HHIPL2: variants seen among roughly 807,000 people sequenced by gnomAD.
The protein encoded by HHIPL2 is HHIP-like protein 2.
A neutral mutation model predicts 61.0 loss-of-function variants in HHIPL2; 61 were observed. The observed-to-expected ratio is 1.00, with a 90% CI of 0.81 to 1.24. HHIPL2 has a LOEUF of 1.24. Among genes scored for constraint, HHIPL2 ranks in the 50% most tolerant of loss-of-function variants. HHIPL2 has a pLI of 0.00. For missense variants in HHIPL2, 885 were observed against 910.2 expected (o/e 0.97, Z 0.36); for synonymous variants, 343 against 357.4 (o/e 0.96, Z 0.45).
chr1:222,533,609 A>G (rs1223289607), intron 5 of HHIPL2, among the ~76,000 whole-genome samples: 2 of 152,222 alleles, frequency 1.3e-5, no homozygotes, highest in Non-Finnish European at 2.9e-5. Context: ...GACCAGATTT[A>G]CTTTCCCATC....
At chr1:222,539,110 G>A (rs1487755810) in intron 4 of HHIPL2, 1 of 268,070 alleles carries the variant, frequency 3.7e-6, no homozygotes, top group East Asian at 8.6e-5. Flanking sequence ...GGAAAATATT[G>A]TCACAGTCTG....
intron 6 of HHIPL2, among the ~76,000 whole-genome samples, chr1:222,531,077 C>A (rs1045977244): frequency 6.6e-6 from 1 of 152,184 alleles, no homozygotes; most frequent in African/African-American, 2.4e-5. Context: ...CATGTGTACA[C>A]GTGCACATCA....
chr1:222,544,152 T>C lies in HHIPL2; in HGVS notation c.359A>G (p.Glu120Gly), dbSNP rs1659505978. 2 of 1,613,606 alleles carry C rather than the reference T, an allele frequency of 1.2e-6. No homozygotes were observed. The highest frequency in any genetic ancestry group is 2.2e-5 in the East Asian group (1 of 44,870). ...ATTCCGGAGAGGCGTCTGGGTGTTT[T>C]CGGCGTCGTAGAGGTGGGCTGCGTA... ...SPYAAHLYDA[E>G]NTQTPLRNLP... Residue 120 changes from glutamate (E) to glycine (G), a missense_variant, in exon 2 of 9, where the codon GAA (glutamate) becomes GGA (glycine). Coordinates refer to ENST00000343410, the MANE Select transcript of HHIPL2 (RefSeq NM_024746.4).
At position 222,526,043 on chromosome 1, in the gene HHIPL2, C is replaced by T. The variant is rs79242148; in HGVS notation, c.1805+926G>A. Among the ~76,000 whole-genome samples, 1,400 of 152,008 alleles carry T rather than the reference C, an allele frequency of 9.2e-3. 24 individuals are homozygous for T. The highest frequency in any genetic ancestry group is 0.032 in the African/African-American group (1,306 of 41,458). ...TAAAAATAAAAAAAAATCCAGTGCA[C>T]TGCCCAGACTCCTCAGGATGGATAC... On this transcript the variant is annotated intron_variant, in intron 7 of 8. Transcript: ENST00000343410.
chr1:222,531,679 C>T (rs556611138), intron 6 of HHIPL2, among the ~76,000 whole-genome samples: 65 of 151,938 alleles, frequency 4.3e-4, no homozygotes, highest in African/African-American at 1.5e-3. Context: ...ACTCTGGAAG[C>T]GGAGGTTGCA....
rs1659479383 is a variant in HHIPL2, at chr1:222,543,521, C to T, written c.974+16G>A. On this transcript the variant is annotated intron_variant, in intron 2 of 8. Transcript: ENST00000343410. The stretch of plus-strand genomic sequence containing the variant: ...GGAACACAGTACAGCTGTAGGCTCT[C>T]ATGAGTACCTCTCACCTCTCTGATT... The T allele has an allele frequency of 6.2e-7, 1 of 1,601,624 alleles. No individual in the cohort carries two copies. Among genetic ancestry groups the T allele is most frequent in the African/African-American group, 1.3e-5 (1 of 74,690 alleles).
chr1:222,547,343 C>G lies in HHIPL2; in HGVS notation c.321+381G>C, dbSNP rs553535051. Among the ~76,000 whole-genome samples, 5 of 152,266 alleles carry G rather than the reference C, an allele frequency of 3.3e-5. No individual in the cohort carries two copies. The South Asian group carries it at 1.0e-3, about 32-fold the overall frequency. ...CCACCACTCCCTCCCTTAACGCGCT[C>G]GGTAAATTCCACGGGTTTAAGTGCC... On this transcript the variant is annotated intron_variant, in intron 1 of 8. Transcript: ENST00000343410.
intron 4 of HHIPL2, chr1:222,539,172 G>C (rs1013184907): frequency 1.2e-5 from 2 of 165,240 alleles, no homozygotes; most frequent in Non-Finnish European, 2.6e-5. Flanking sequence ...AGAAGTAATA[G>C]AGTCAGAACA....
At position 222,538,635 on chromosome 1, in the gene HHIPL2, A is replaced by C. The variant is rs1378384072; in HGVS notation, c.1577+13T>G. On this transcript the variant is annotated intron_variant, in intron 5 of 8. Transcript: ENST00000343410. ...AATAAAAAGAGGGAGAAGGGACATC[A>C]GTCCTTCCTTACCCACTCATGAAGT... The C allele has an allele frequency of 1.2e-6, 2 of 1,609,976 alleles. No individual in the cohort carries two copies. Among genetic ancestry groups the C allele is most frequent in the East Asian group, 2.2e-5 (1 of 44,866 alleles).
intron 2 of HHIPL2, 133 bp downstream of exon 2, chr1:222,543,404 C>T (rs1435518876): frequency 1.1e-6 from 1 of 912,426 alleles, no homozygotes; most frequent in East Asian, 2.4e-5. Context: ...CGTTCTCAAT[C>T]CACAGTGACT....
intron 7 of HHIPL2, among the ~76,000 whole-genome samples, chr1:222,524,442 G>A (rs1320401325): frequency 2.6e-5 from 4 of 152,234 alleles, no homozygotes; most frequent in Admixed American, 6.5e-5. Flanking sequence ...AAACACTTAC[G>A]TAGTGCTTAG....
chr1:222,546,168 T>C (rs974883723), intron 1 of HHIPL2, among the ~76,000 whole-genome samples: 2 of 152,214 alleles, frequency 1.3e-5, no homozygotes, highest in African/African-American at 4.8e-5. Context: ...ATGCACAAAG[T>C]CTCTCTTCCA....
intron 6 of HHIPL2, among the ~76,000 whole-genome samples, chr1:222,528,413 C>A (rs1261737740): frequency 6.6e-6 from 1 of 152,148 alleles, no homozygotes; most frequent in Non-Finnish European, 1.5e-5. Flanking sequence ...TCAAGATGAG[C>A]CTGGCCAACA....
In HHIPL2 at chr1:222,527,011, T is replaced by C. The variant is rs372392134; in HGVS notation, c.1763A>G (p.Tyr588Cys). ...CTTGTAAATAGATCCACGTGGTGCATAGGCACTTGGGTAAGAGGTCGCCAG... is the reference window on the plus strand; with the variant it reads ...CTTGTAAATAGATCCACGTGGTGCACAGGCACTTGGGTAAGAGGTCGCCAG... ...YFLATSYPSA[Y>C]APRGSIYKFV... The change falls in exon 7 of 9, where the codon TAT becomes TGT. Residue 588 changes from tyrosine to cysteine, a missense_variant. Tyr to Cys is a radical substitution (Grantham distance 194). Transcript: ENST00000343410. 8.7e-6 allele frequency: 14 copies of C among 1,613,692 alleles called. No individual in the cohort carries two copies. The South Asian group carries it at 1.1e-4, about 13-fold the overall frequency.
chr1:222,526,798 A>C (rs1231038741), intron 7 of HHIPL2, among the ~76,000 whole-genome samples, 171 bp downstream of exon 7: 1 of 152,056 alleles, frequency 6.6e-6, no homozygotes, highest in East Asian at 1.9e-4. Flanking sequence ...ACCGTTTCCC[A>C]AGTATTCCAT....
intron 7 of HHIPL2, chr1:222,524,195 T>C (rs929281058): frequency 8.8e-5 from 14 of 158,682 alleles, no homozygotes; most frequent in African/African-American, 3.4e-4. Context: ...CCTCAGGCGA[T>C]GCCAGCTTCT....
At chr1:222,546,705 A>T (rs998121973) in intron 1 of HHIPL2, among the ~76,000 whole-genome samples, 1 of 152,204 alleles carries the variant, frequency 6.6e-6, no homozygotes, top group Non-Finnish European at 1.5e-5. Context: ...GGACAGCCCC[A>T]GGCGGTGCCA....
chr1:222,540,454 T>C, intron 3 of HHIPL2, 113 bp from the exon 4 acceptor site: 1 of 780,688 alleles, frequency 1.3e-6, no homozygotes, highest in Non-Finnish European at 2.0e-6. Context: ...CTGCTAAGGA[T>C]CCCATGGGAA....
Position 222,543,762 on chromosome 1 carries a change from C to A in HHIPL2, c.749G>T (p.Arg250Leu), listed in dbSNP as rs147794680. The change falls in exon 2 of 9, where the codon CGC becomes CTC. Residue 250 changes from arginine to leucine, a missense_variant. Physicochemically the swap from Arg to Leu is moderately radical, Grantham distance 102. Transcript: ENST00000343410. ...VVWVYLPDGSRLEQPFLDLKN... is the reference protein window; with the variant it reads ...VVWVYLPDGSLLEQPFLDLKN... ...GAGGTCCAGGAAGGGTTGCTCCAGGCGACTCCCATCAGGGAGGTAGACCCA... is the reference window on the plus strand; with the variant it reads ...GAGGTCCAGGAAGGGTTGCTCCAGGAGACTCCCATCAGGGAGGTAGACCCA... The A allele has an allele frequency of 3.1e-6, 5 of 1,613,994 alleles. No homozygotes were observed. Among genetic ancestry groups the A allele is most frequent in the Non-Finnish European group, 4.2e-6 (5 of 1,180,024 alleles).
Sources: gnomAD v4.1 joint callset for allele counts (sites outside exome capture counted in the v4.1 genomes callset) on GRCh38, gnomAD v4.1.1 for gene constraint, MANE v1.5 for transcripts, NCBI Gene and HGNC (gene_info 2026-07-23, HGNC 2026-07-21) for gene names.